Variants in SLC43A2 observed in about 807,000 individuals in gnomAD.
SLC43A2 encodes large neutral amino acids transporter small subunit 4.
Under a neutral mutation model 63.2 loss-of-function variants are expected in SLC43A2, and 38 were observed. The observed-to-expected ratio is 0.60, with a 90% CI of 0.46 to 0.79. The LOEUF is 0.79. SLC43A2 is among the 30% of genes least tolerant of loss of function. The pLI is 0.00. For synonymous variants in SLC43A2, 322 were observed against 331.0 expected, an observed-to-expected ratio of 0.97 and a Z score of 0.30; for missense variants, 644 against 756.2, an observed-to-expected ratio of 0.85 and a Z score of 1.74.
intron 5 of SLC43A2, among the ~76,000 whole-genome samples, chr17:1,598,731 G>C (rs1236499705): frequency 1.3e-5 from 2 of 152,134 alleles, no homozygotes; most frequent in Non-Finnish European, 2.9e-5. Flanking sequence ...GGCCCTGCCT[G>C]GTCTTCTGGA....
intron 5 of SLC43A2, among the ~76,000 whole-genome samples, chr17:1,596,306 G>A (rs560721864): frequency 3.6e-4 from 55 of 151,236 alleles, no homozygotes; most frequent in Non-Finnish European, 6.3e-4. Context: ...GCAAGAGTGC[G>A]AGACTCCATC....
intron 5 of SLC43A2, among the ~76,000 whole-genome samples, chr17:1,596,300 G>C (rs371891591): frequency 6.6e-6 from 1 of 151,534 alleles, no homozygotes; most frequent in Admixed American, 6.6e-5. Flanking sequence ...GCCTGGGCAA[G>C]AGTGCGAGAC....
chr17:1,576,838 G>A (rs910806175), intron 12 of SLC43A2, 118 bp from the exon 13 acceptor site: 12 of 1,281,910 alleles, frequency 9.4e-6, no homozygotes, highest in Admixed American at 2.7e-5. Flanking sequence ...GCCAGCCCTC[G>A]GATTCCTTCC....
chr17:1,592,909 C>A (rs1170122909), intron 6 of SLC43A2, among the ~76,000 whole-genome samples: 1 of 152,170 alleles, frequency 6.6e-6, no homozygotes, highest in Non-Finnish European at 1.5e-5. Flanking sequence ...GCAAGACTCA[C>A]AACTGGAAAC....
rs1204804955 is a variant in SLC43A2 at position 1,606,664 on chromosome 17, G to A, written c.501+6531C>T. Among the ~76,000 whole-genome samples the A allele has an allele frequency of 2.0e-5, 3 of 152,254 alleles. No homozygotes were observed. The highest frequency in any genetic ancestry group is 4.4e-5 in the Non-Finnish European group (3 of 68,042). On this transcript the variant is annotated intron_variant, in intron 5 of 13. Coordinates refer to ENST00000301335, the MANE Select transcript of SLC43A2 (RefSeq NM_152346.3). The surrounding 1 kb of genome is among the most constrained non-coding windows in gnomAD (Gnocchi z 4.7). ...TTGTGCTCCAGCCGATGAAGCGAGT[G>A]CAAAGGGCTGTACAAACGCGAGGCA...
intron 5 of SLC43A2, among the ~76,000 whole-genome samples, chr17:1,599,879 C>G (rs1905744561): frequency 1.3e-5 from 2 of 149,362 alleles, no homozygotes; most frequent in East Asian, 4.0e-4. Flanking sequence ...CCCGTCTCTA[C>G]TAAAAATACA....
intron 4 of SLC43A2, 69 bp downstream of exon 4, chr17:1,614,910 G>C: frequency 2.0e-6 from 3 of 1,516,712 alleles, no homozygotes; most frequent in Non-Finnish European, 2.7e-6. Context: ...AAGAGCAGGT[G>C]GGCCTGGGAG....
intron 3 of SLC43A2, chr17:1,616,295 T>G (rs1002861076): frequency 6.0e-6 from 3 of 499,238 alleles, no homozygotes; most frequent in Non-Finnish European, 1.1e-5. Context: ...TACAAAGGGA[T>G]GGGAAACACA....
In SLC43A2 at chr17:1,578,546, G is replaced by C; in HGVS notation, c.1351-223C>G. ...GTTTGTTTTGTTTTTTGTTTTGTTT[G>C]AGAAGAAGTCTTGCTTTGTCGCCCA... On this transcript the variant is annotated intron_variant, in intron 11 of 13. Coordinates refer to ENST00000301335, the MANE Select transcript of SLC43A2 (RefSeq NM_152346.3). The surrounding 1 kb of genome is among the most constrained non-coding windows in gnomAD (Gnocchi z 6.5). 1 of 545,356 alleles carries C rather than the reference G, an allele frequency of 1.8e-6. No individual in the cohort carries two copies. The highest frequency in any genetic ancestry group is 3.3e-6 in the Non-Finnish European group (1 of 304,492). The allele number at this position is 545,356 out of a possible 1,614,324, so 33.8% of individuals were successfully genotyped here. A position where few individuals can be genotyped will look rare whatever the true frequency, so the allele number is the denominator to read the frequency against.
rs1263561392 is a variant in SLC43A2, at chr17:1,573,203, G to A, written c.*2401C>T. 4 of 146,548 alleles carry A rather than the reference G, an allele frequency of 2.7e-5. No individual in the cohort carries two copies. Among genetic ancestry groups the A allele is most frequent in the Non-Finnish European group, 5.9e-5 (4 of 67,606 alleles). 9.1% of individuals were successfully genotyped at this position (146,548 alleles called of 1,614,324 possible). ...AAAAAAAAAAAAAAAAAAAAAAGGC[G>A]GCCTTTTCCCAGCTGGCAGCACCCT... On this transcript the variant is annotated 3_prime_UTR_variant, in exon 14 of 14. Coordinates refer to ENST00000301335, the MANE Select transcript of SLC43A2 (RefSeq NM_152346.3).
intron 11 of SLC43A2, among the ~76,000 whole-genome samples, chr17:1,582,425 C>T (rs1247146828): frequency 2.6e-5 from 4 of 152,210 alleles, no homozygotes; most frequent in African/African-American, 9.6e-5. Context: ...GGTCTTCCTC[C>T]ACTCTGTTCA....
intron 3 of SLC43A2, among the ~76,000 whole-genome samples, chr17:1,615,533 G>GAAA (rs113237456): frequency 0.025 from 2,813 of 113,130 alleles, 95 homozygotes; most frequent in African/African-American, 0.085. Flanking sequence ...AACTCAAAAG[G>GAAA]AAAAAAAAAA....
At chr17:1,584,768 C>T (rs983732879) in intron 10 of SLC43A2, among the ~76,000 whole-genome samples, 5 of 150,080 alleles carry the variant, frequency 3.3e-5, no homozygotes, top group Admixed American at 6.7e-5. Flanking sequence ...TGCAGTGAGC[C>T]GAGATAGAGC....
rs1364419208 is a variant in SLC43A2, at chr17:1,575,432, C to T, written c.*172G>A. ...CAGGAGAAAACGCGCGTGTCCGGGG[C>T]CCTCTCCCGTCCTTCCACCACAGAG... is the stretch of plus-strand genomic sequence containing the variant. On this transcript the variant is annotated 3_prime_UTR_variant, in exon 14 of 14. Transcript: ENST00000301335. 1.9e-5 allele frequency: 16 copies of T among 821,516 alleles called. No individual in the cohort carries two copies. Among genetic ancestry groups the T allele is most frequent in the Non-Finnish European group, 2.7e-5 (14 of 525,890 alleles). The allele number at this position is 821,516 out of a possible 1,614,324, so 50.9% of individuals were successfully genotyped here. A position where few individuals can be genotyped will look rare whatever the true frequency, so the allele number is the denominator to read the frequency against.
rs189774490 is a variant in SLC43A2 at position 1,580,165 on chromosome 17, G to A, written c.1351-1842C>T. 3.5e-4 allele frequency among the ~76,000 whole-genome samples: 54 copies of A among 152,250 alleles called. No homozygotes were observed. In the East Asian group the frequency reaches 4.1e-3, roughly 11 times the overall value. On this transcript the variant is annotated intron_variant, in intron 11 of 13. Coordinates refer to ENST00000301335, the MANE Select transcript of SLC43A2 (RefSeq NM_152346.3). ...ACTCCTGACCTCAGGTGATCCACCC[G>A]CGTTGGCCTCCCAAAGTGCTGGGAT...
chr17:1,601,623 G>A (rs760532734), intron 5 of SLC43A2, among the ~76,000 whole-genome samples: 2 of 151,262 alleles, frequency 1.3e-5, no homozygotes, highest in Non-Finnish European at 2.9e-5. Context: ...CGTGCACTGA[G>A]ACTACCCCAG....
In SLC43A2 at chr17:1,616,567, C is replaced by T. The variant is rs749981394; in HGVS notation, c.363G>A (p.Leu121=). 5 of 1,610,306 alleles carry T rather than the reference C, an allele frequency of 3.1e-6. No individual in the cohort carries two copies. The Admixed American group carries it at 8.4e-5, about 27-fold the overall frequency. Residue 121 remains leucine, a synonymous_variant, in exon 3 of 14, where the codon CTG becomes CTA. Coordinates refer to ENST00000301335, the MANE Select transcript of SLC43A2 (RefSeq NM_152346.3). ...CCTAAGGGACCCACACTGACCTGCC[C>T]AGCAGCCTGAGCTTCCTCGGGCCAT... ...DKYGPRKLRL[L]GSACFAVSCL... is the part of the protein sequence containing the mutation.
chr17:1,628,122 T>A, intron 1 of SLC43A2: 1 of 388,060 alleles, frequency 2.6e-6, no homozygotes, highest in Non-Finnish European at 4.2e-6. Context: ...ACCGCTGCCC[T>A]CCGCTACGAC....
chr17:1,627,761 G>C lies in SLC43A2; in HGVS notation c.114C>G (p.Ile38Met). The change falls in exon 2 of 14, where the codon ATC becomes ATG. Residue 38 changes from isoleucine to methionine, a missense_variant. Ile to Met is a conservative substitution (Grantham distance 10). This residue lies in a region of SLC43A2 where 528 missense variants were observed against 623.6 expected (regional missense o/e 0.85). Transcript: ENST00000301335. Reference protein sequence around the residue: ...AVLLGWGSLLIMLKSEGFYSY... With the variant: ...AVLLGWGSLLMMLKSEGFYSY... ...AGTAAAAGCCCTCTGACTTGAGCATGATGAGCAGCGAGCCCCAGCCCAGGA... is the reference window on the plus strand; with the variant it reads ...AGTAAAAGCCCTCTGACTTGAGCATCATGAGCAGCGAGCCCCAGCCCAGGA... The C allele has an allele frequency of 6.3e-7, 1 of 1,595,338 alleles. No individual in the cohort carries two copies. The highest frequency in any genetic ancestry group is 8.5e-7 in the Non-Finnish European group (1 of 1,171,640).
Sources: gnomAD v4.1 joint callset for allele counts (sites outside exome capture counted in the v4.1 genomes callset) on GRCh38, gnomAD v4.1.1 for gene constraint, gnomAD v4.1.1 regional missense constraint, Gnocchi (gnomAD v3.1) non-coding constraint, MANE v1.5 for transcripts, NCBI Gene and HGNC (gene_info 2026-07-23, HGNC 2026-07-21) for gene names.